MCM3AP: variants seen among roughly 807,000 people sequenced by gnomAD.
MCM3AP encodes the protein germinal-center associated nuclear protein.
MCM3AP carries 126 observed loss-of-function variants against 184.1 expected under a neutral mutation model. The observed-to-expected ratio is 0.68, with a 90% confidence interval of 0.59 to 0.79. MCM3AP has a LOEUF of 0.79. Among genes scored for constraint, MCM3AP ranks in the 30% least tolerant of loss-of-function variants. The pLI is 0.00. For synonymous variants in MCM3AP, 1,002 were observed against 979.3 expected, an observed-to-expected ratio of 1.02 and a Z score of -0.43; for missense variants, 2,496 against 2,479.2, an observed-to-expected ratio of 1.01 and a Z score of -0.14.
intron 12 of MCM3AP, 110 bp from the exon 13 acceptor site, chr21:46,264,327 C>A (rs543981136): frequency 4.6e-6 from 3 of 658,892 alleles, no homozygotes; most frequent in Non-Finnish European, 7.9e-6. Context: ...AGAAGCACAA[C>A]CCCTGACACG....
chr21:46,241,405 T>G (rs781389169), intron 25 of MCM3AP: 1 of 169,338 alleles, frequency 5.9e-6, no homozygotes, highest in Non-Finnish European at 1.3e-5. Context: ...TATAGATAGC[T>G]CTTGGATACA....
At chr21:46,285,671 G>A (rs1015586669), upstream of MCM3AP, 1 of 173,544 alleles carries the variant, frequency 5.8e-6, no homozygotes, top group Non-Finnish European at 1.2e-5. Context: ...AACCTCCATT[G>A]GCAGTAAGAA....
intron 22 of MCM3AP, among the ~76,000 whole-genome samples, chr21:46,245,903 T>C (rs541735422): frequency 2.0e-5 from 3 of 152,232 alleles, no homozygotes; most frequent in Non-Finnish European, 4.4e-5. Context: ...CCTTCAGATA[T>C]AAGACATGTT....
intron 4 of MCM3AP, among the ~76,000 whole-genome samples, chr21:46,278,680 C>T (rs17176261): frequency 0.3 from 43,929 of 148,398 alleles, 7,010 homozygotes; most frequent in Admixed American, 0.4. Context: ...AGGAGACAGC[C>T]TTTTTTTTTT....
intron 4 of MCM3AP, among the ~76,000 whole-genome samples, chr21:46,278,991 A>G (rs2081290842): frequency 6.9e-6 from 1 of 144,226 alleles, no homozygotes; most frequent in African/African-American, 2.6e-5. Context: ...CTCTTCAGGA[A>G]AAAAAAAAAA....
intron 2 of MCM3AP, among the ~76,000 whole-genome samples, chr21:46,282,680 C>T (rs2081348831): frequency 6.6e-6 from 1 of 151,796 alleles, no homozygotes; most frequent in Non-Finnish European, 1.5e-5. Flanking sequence ...TGGCGGGCGC[C>T]TGTAGTTCCA....
chr21:46,259,801 A>G (rs144618307), intron 15 of MCM3AP, among the ~76,000 whole-genome samples: 7,710 of 150,964 alleles, frequency 0.051, 591 homozygotes, highest in African/African-American at 0.17. Flanking sequence ...AGTCCCAGCT[A>G]CTCAGGAGGC....
rs139966669 is a variant in MCM3AP, at chr21:46,283,819, C to T, written c.1239G>A (p.Pro413=). ...EKKEDSLRGT[P]ARQSNRSEST... Reference sequence around the variant, plus strand: ...TCTCGCTTCTGTTACTCTGACGCGCCGGAGTTCCTCTTAGAGAATCTAGGG... The same window carrying T: ...TCTCGCTTCTGTTACTCTGACGCGCTGGAGTTCCTCTTAGAGAATCTAGGG... Residue 413 remains proline (P), a synonymous_variant, in exon 2 of 28, where the codon CCG becomes CCA. Transcript: ENST00000291688. 2.8e-4 allele frequency: 445 copies of T among 1,613,114 alleles called. 1 individual carries two copies. The highest frequency in any genetic ancestry group is 3.6e-4 in the Middle Eastern group (2 of 5,526).
Position 46,272,848 on chromosome 21 carries a change from G to C in MCM3AP, c.2197-19C>G. On this transcript the variant is annotated intron_variant, in intron 7 of 27. Transcript: ENST00000291688. ...TGATATCCTGGCCACAGGCGAGGGG[G>C]AGGATCACACACACATTCCCATGCA... 6.4e-7 allele frequency: 1 copy of C among 1,554,836 alleles called. No homozygotes were observed. The highest frequency in any genetic ancestry group is 8.7e-7 in the Non-Finnish European group (1 of 1,149,478).
intron 2 of MCM3AP, among the ~76,000 whole-genome samples, chr21:46,281,330 T>C (rs2081329473): frequency 6.6e-6 from 1 of 152,042 alleles, no homozygotes; most frequent in South Asian, 2.1e-4. Flanking sequence ...GATACACTCA[T>C]AAAAATGTCT....
intron 17 of MCM3AP, among the ~76,000 whole-genome samples, chr21:46,255,396 C>T (rs917465748): frequency 3.3e-5 from 5 of 151,814 alleles, no homozygotes; most frequent in African/African-American, 1.2e-4. Flanking sequence ...CGAGAGGCAA[C>T]GCCACCTGGC....
chr21:46,246,311 G>A lies in MCM3AP; in HGVS notation c.4643C>T (p.Thr1548Ile), dbSNP rs1569055484. ...TTAAAAATGATGAAACCTTACCTTAGTTGAACCTTGTAGATCATTAATGGT... is the reference window on the plus strand; with the variant it reads ...TTAAAAATGATGAAACCTTACCTTAATTGAACCTTGTAGATCATTAATGGT... ...PDTINDLQGS[T>I]KVLQAVQWLV... is the part of the protein sequence containing the mutation. Residue 1548 changes from threonine to isoleucine, a missense_variant, in exon 22 of 28, where the codon ACT (threonine) becomes ATT (isoleucine). Coordinates refer to ENST00000291688, the MANE Select transcript of MCM3AP (RefSeq NM_003906.5). 1 of 1,596,154 alleles carries A rather than the reference G, an allele frequency of 6.3e-7. No individual in the cohort carries two copies. Among genetic ancestry groups the A allele is most frequent in the Non-Finnish European group, 8.6e-7 (1 of 1,163,518 alleles).
At chr21:46,281,490 G>A (rs1254830487) in intron 2 of MCM3AP, among the ~76,000 whole-genome samples, 1 of 152,064 alleles carries the variant, frequency 6.6e-6, no homozygotes, top group South Asian at 2.1e-4. Flanking sequence ...GTTCAGCTGG[G>A]AAAATAAGCA....
At chr21:46,273,816 T>C (rs1437664127) in intron 6 of MCM3AP, among the ~76,000 whole-genome samples, 11 of 152,214 alleles carry the variant, frequency 7.2e-5, no homozygotes, top group African/African-American at 2.7e-4. Context: ...GAGTGCGTCA[T>C]GACAAACAGG....
intron 8 of MCM3AP, among the ~76,000 whole-genome samples, chr21:46,271,476 A>G (rs1480709296): frequency 6.6e-6 from 1 of 152,004 alleles, no homozygotes; most frequent in Non-Finnish European, 1.5e-5. Context: ...CTACAGGCAC[A>G]CATCACCACA....
intron 27 of MCM3AP, among the ~76,000 whole-genome samples, chr21:46,236,539 T>G (rs1345840679): frequency 6.6e-6 from 1 of 152,230 alleles, no homozygotes; most frequent in African/African-American, 2.4e-5. Context: ...CAGAAGCTGC[T>G]GTCATCACCT....
intron 8 of MCM3AP, 91 bp from the exon 9 acceptor site, chr21:46,270,654 A>C: frequency 8.5e-7 from 1 of 1,183,220 alleles, no homozygotes; most frequent in Non-Finnish European, 1.2e-6. Flanking sequence ...AATAGATTTC[A>C]CTGGCCAGAT....
intron 13 of MCM3AP, among the ~76,000 whole-genome samples, 172 bp from the exon 14 acceptor site, chr21:46,261,583 A>G (rs1370381303): frequency 6.6e-6 from 1 of 151,992 alleles, no homozygotes; most frequent in Non-Finnish European, 1.5e-5. Flanking sequence ...AAATACAAAA[A>G]TTAGCCAGGC....
chr21:46,272,003 A>G (rs1214773989), intron 8 of MCM3AP, among the ~76,000 whole-genome samples: 2 of 151,988 alleles, frequency 1.3e-5, no homozygotes, highest in South Asian at 4.1e-4. Flanking sequence ...ACTGTCCACC[A>G]TAAGTCCAGC....
Sources: allele counts gnomAD v4.1 joint callset (sites outside exome capture counted in the v4.1 genomes callset), GRCh38; gene constraint gnomAD v4.1.1; transcripts MANE v1.5; gene names NCBI Gene and HGNC (gene_info 2026-07-23, HGNC 2026-07-21).